ZNF875: variants seen among roughly 807,000 people sequenced by gnomAD.
ZNF875 encodes HKR1, GLI-Kruppel zinc finger family member.
ZNF875 carries 14 observed loss-of-function variants against 11.2 expected under a neutral mutation model. The ratio of observed to expected loss-of-function variants is 1.26; its 90% CI spans 0.83 to 1.96. The LOEUF (loss-of-function observed/expected upper bound fraction) is 1.96, where lower values mean the gene tolerates loss of function less well. Among genes scored for constraint, ZNF875 ranks in the 30% most tolerant of loss-of-function variants. The pLI is 0.00. For synonymous variants in ZNF875, 301 were observed against 281.1 expected, an observed-to-expected ratio of 1.07 and a Z score of -0.71; for missense variants, 752 against 760.4, an observed-to-expected ratio of 0.99 and a Z score of 0.13.
At chr19:37,332,119 TTGTC>T (rs1225054708), upstream of ZNF875, among the ~76,000 whole-genome samples, 7 of 146,848 alleles carry the variant, frequency 4.8e-5, no homozygotes, top group Admixed American at 4.8e-4. Flanking sequence ...GTTCACGTGT[TTGTC>T]TGCTGACCCT....
rs1361359221 is a variant in ZNF875 at position 37,363,320 on chromosome 19, A to G, written c.1468A>G (p.Lys490Glu). 1 of 1,610,220 alleles carries G rather than the reference A, an allele frequency of 6.2e-7. No homozygotes were observed. The highest frequency in any genetic ancestry group is 1.3e-5 in the African/African-American group (1 of 74,660). ...GGAGTGTGGGCGAGGCTTTACCCGG[A>G]AATCAACCCTGAGCACGCACCAGAG... ...CTECGRGFTRKSTLSTHQRTH... is the reference protein window; with the variant it reads ...CTECGRGFTRESTLSTHQRTH... Residue 490 changes from lysine (K) to glutamate (E), a missense_variant, in exon 5 of 5, where the codon AAA becomes GAA. Transcript: ENST00000392153.
In ZNF875 at chr19:37,343,317, T is replaced by C. The variant is rs1458497237; in HGVS notation, c.34-3873T>C. ...GAGACCACGTCATTGCACTCCAGCC[T>C]AGGTGTCAGAGTGAGACTATCTCCA... On this transcript the variant is annotated intron_variant, in intron 2 of 4. Transcript: ENST00000392153. 2.0e-5 allele frequency among the ~76,000 whole-genome samples: 3 copies of C among 147,660 alleles called. No homozygotes were observed. The East Asian group carries it at 6.0e-4, about 29-fold the overall frequency.
At chr19:37,337,359 A>T (rs1228045899) in intron 2 of ZNF875, 1 of 152,242 alleles carries the variant, frequency 6.6e-6, no homozygotes, top group Non-Finnish European at 1.5e-5. Flanking sequence ...TCTTTGAGTA[A>T]GCTGAGTTTT....
intron 4 of ZNF875, 111 bp downstream of exon 4, chr19:37,347,983 G>C: frequency 1.5e-6 from 1 of 655,254 alleles, no homozygotes; most frequent in Non-Finnish European, 2.8e-6. Context: ...CCTAAGCCAA[G>C]AGAAACGTTG....
upstream of ZNF875, among the ~76,000 whole-genome samples, chr19:37,331,348 C>T (rs1406479516): frequency 6.6e-6 from 1 of 151,560 alleles, no homozygotes; most frequent in Non-Finnish European, 1.5e-5. Flanking sequence ...TCCTGCCTCA[C>T]CCTCCCAAGT....
At chr19:37,326,083 C>A (rs538462312) in intron 4 of ZNF875, among the ~76,000 whole-genome samples, 2 of 152,258 alleles carry the variant, frequency 1.3e-5, no homozygotes, top group African/African-American at 4.8e-5. Flanking sequence ...CTCAAGCAGT[C>A]CTCCTGTCTT....
In ZNF875 at chr19:37,350,496, T is replaced by C. The variant is rs190740372; in HGVS notation, c.256+2624T>C. ...CACCCTGCTTTCCCCAATGATAATA[T>C]CTTATATAACCACAGTACATTTCAA... On this transcript the variant is annotated intron_variant, in intron 4 of 4. Coordinates refer to ENST00000392153, the MANE Select transcript of ZNF875 (RefSeq NM_001353803.2). Among the ~76,000 whole-genome samples, 945 of 152,190 alleles carry C rather than the reference T, an allele frequency of 6.2e-3. 29 individuals are homozygous for C. The highest frequency in any genetic ancestry group is 0.05 in the Admixed American group (761 of 15,274).
rs55800209 is a variant in ZNF875, at chr19:37,327,760, CAA to C, written c.-603+3512_-603+3513del. On this transcript the variant is annotated intron_variant, in intron 4 of 5. Transcript: ENST00000544914. ...GCCTGGCCCACAGAGCAAAACTCCT[CAA>C]AAAAAAAAAAAAAAAATCATACTCG... Among the ~76,000 whole-genome samples the C allele has an allele frequency of 9.1e-3, 1,026 of 113,244 alleles. 9 individuals carry two copies. Among genetic ancestry groups the C allele is most frequent in the African/African-American group, 0.016 (462 of 29,100 alleles). The allele number at this position is 113,244 out of a possible 152,430, so 74.3% of individuals were successfully genotyped here. A position where few individuals can be genotyped will look rare whatever the true frequency, so the allele number is the denominator to read the frequency against.
chr19:37,338,993 C>T (rs1023985368), intron 2 of ZNF875, among the ~76,000 whole-genome samples: 4 of 152,056 alleles, frequency 2.6e-5, no homozygotes, highest in Non-Finnish European at 5.9e-5. Context: ...AACTGGCAGG[C>T]ACATTATGTT....
intron 4 of ZNF875, among the ~76,000 whole-genome samples, chr19:37,356,632 A>T (rs1377377082): frequency 6.6e-6 from 1 of 151,966 alleles, no homozygotes; most frequent in Non-Finnish European, 1.5e-5. Context: ...TTCTTTTGAG[A>T]AGTATCTGTT....
chr19:37,344,942 G>C (rs1045806471), intron 2 of ZNF875: 1 of 613,084 alleles, frequency 1.6e-6, no homozygotes, highest in African/African-American at 1.8e-5. Flanking sequence ...AGTGTTTAAT[G>C]ATGAACAGTT....
At chr19:37,354,280 C>G in intron 4 of ZNF875, among the ~76,000 whole-genome samples, 1 of 122,588 alleles carries the variant, frequency 8.2e-6, no homozygotes, top group African/African-American at 3.1e-5. Context: ...CCTCCCCTCC[C>G]CTCCTCTTGT....
chr19:37,362,783 G>T lies in ZNF875; in HGVS notation c.931G>T (p.Val311Leu). ...GACACACTCAGGGGAGAAACCTTAT[G>T]TGTGCAAGGATTGTGGACGAGGCTT... ...QRTHSGEKPY[V>L]CKDCGRGFTW... Residue 311 changes from valine to leucine, a missense_variant, in exon 5 of 5, where the codon GTG becomes TTG. Coordinates refer to ENST00000392153, the MANE Select transcript of ZNF875 (RefSeq NM_001353803.2). The T allele has an allele frequency of 6.2e-7, 1 of 1,613,804 alleles. No individual in the cohort carries two copies. Among genetic ancestry groups the T allele is most frequent in the Non-Finnish European group, 8.5e-7 (1 of 1,179,930 alleles).
Position 37,362,511 on chromosome 19 carries a change from T to C in ZNF875, c.659T>C (p.Val220Ala). 6.2e-7 allele frequency: 1 copy of C among 1,614,144 alleles called. No homozygotes were observed. The highest frequency in any genetic ancestry group is 8.5e-7 in the Non-Finnish European group (1 of 1,180,030). The change falls in exon 5 of 5, where the codon GTC becomes GCC. Residue 220 changes from valine to alanine, a missense_variant. Coordinates refer to ENST00000392153, the MANE Select transcript of ZNF875 (RefSeq NM_001353803.2). The part of the protein sequence containing the change: ...ETDKVLHGLE[V>A]SGFGEIKYEE... ...GACAAAGTATTGCATGGTTTAGAAG[T>C]CTCAGGATTTGGAGAAATCAAATAT...
intron 4 of ZNF875, among the ~76,000 whole-genome samples, chr19:37,356,668 A>C (rs1023686801): frequency 2.0e-5 from 3 of 151,682 alleles, no homozygotes; most frequent in African/African-American, 7.3e-5. Context: ...CTTTTTAATG[A>C]GGTTATTTGG....
chr19:37,333,809 A>G (rs1383049188), upstream of ZNF875, among the ~76,000 whole-genome samples: 1 of 152,144 alleles, frequency 6.6e-6, no homozygotes, highest in Non-Finnish European at 1.5e-5. Context: ...AATCAAGATA[A>G]ACAATATTTT....
At chr19:37,341,050 A>T (rs1210909710) in intron 2 of ZNF875, among the ~76,000 whole-genome samples, 1 of 152,144 alleles carries the variant, frequency 6.6e-6, no homozygotes, top group Non-Finnish European at 1.5e-5. Flanking sequence ...TTTCCCATTT[A>T]ATGAATTCAT....
intron 2 of ZNF875, among the ~76,000 whole-genome samples, chr19:37,336,596 G>A (rs541668643): frequency 9.3e-5 from 14 of 150,494 alleles, no homozygotes; most frequent in African/African-American, 2.4e-4. Flanking sequence ...CACCACACCC[G>A]GCTACCTATG....
intron 4 of ZNF875, chr19:37,358,187 C>T (rs2039268741): frequency 3.0e-6 from 1 of 331,290 alleles, no homozygotes; most frequent in Non-Finnish European, 5.2e-6. Context: ...CTCTGTCACC[C>T]TGGCTGGAGT....
Sources: allele counts gnomAD v4.1 joint callset (sites outside exome capture counted in the v4.1 genomes callset), GRCh38; gene constraint gnomAD v4.1.1; transcripts MANE v1.5; gene names NCBI Gene and HGNC (gene_info 2026-07-23, HGNC 2026-07-21).